The following FANCD2 variants were observed in gnomAD, a reference collection of about 807,000 sequenced individuals.
The protein encoded by FANCD2 is Fanconi anemia group D2 protein.
Under a neutral mutation model 192.3 loss-of-function variants are expected in FANCD2, and 131 were observed. The observed-to-expected ratio is 0.68, with a 90% CI of 0.59 to 0.79. The LOEUF (loss-of-function observed/expected upper bound fraction) is 0.79. Ranked by LOEUF, FANCD2 falls within the 30% of genes least tolerant of loss-of-function variation. The pLI, the probability that FANCD2 is intolerant of heterozygous loss-of-function variation, is 0.00. For synonymous variants in FANCD2, 524 were observed against 612.5 expected (o/e 0.86, Z 2.13); for missense variants, 1,508 against 1,701.6 (o/e 0.89, Z 2.00).
chr3:10,047,513 TA>T (rs756071447), intron 15 of FANCD2, among the ~76,000 whole-genome samples: 1,042 of 151,288 alleles, frequency 6.9e-3, no homozygotes, highest in Middle Eastern at 0.01. Context: ...GATCTTCTTT[TA>T]AAAAAATCAG....
intron 1 of FANCD2, among the ~76,000 whole-genome samples, chr3:10,028,362 TG>T (rs2124960503): frequency 6.6e-6 from 1 of 152,302 alleles, no homozygotes; most frequent in South Asian, 2.1e-4. Flanking sequence ...TGGAGGGTCT[TG>T]AATCTCAGAT....
At chr3:10,080,406 G>T (rs574529040) in intron 30 of FANCD2, among the ~76,000 whole-genome samples, 1 of 152,218 alleles carries the variant, frequency 6.6e-6, no homozygotes, top group South Asian at 2.1e-4. Flanking sequence ...GCTAATTTTT[G>T]TATTTTTTGT....
chr3:10,054,455 A>ACG (rs2087335461), intron 18 of FANCD2, among the ~76,000 whole-genome samples: 1 of 18,820 alleles, frequency 5.3e-5, no homozygotes, highest in Non-Finnish European at 1.1e-4. Context: ...ACATATATAT[A>ACG]TATATATATA....
At chr3:10,036,603 G>A (rs1328855818) in intron 7 of FANCD2, among the ~76,000 whole-genome samples, 3 of 152,126 alleles carry the variant, frequency 2.0e-5, no homozygotes, top group African/African-American at 4.8e-5. Flanking sequence ...GGGAAGCTGA[G>A]GGAGGAGGAT....
intron 18 of FANCD2, among the ~76,000 whole-genome samples, chr3:10,054,636 A>T (rs961081115): frequency 4.3e-5 from 6 of 138,000 alleles, no homozygotes; most frequent in African/African-American, 1.5e-4. Context: ...GGCGCCCGCC[A>T]CCACGCCCGG....
intron 9 of FANCD2, 158 bp downstream of exon 9, chr3:10,040,003 G>A: frequency 4.3e-6 from 3 of 704,732 alleles, no homozygotes; most frequent in Non-Finnish European, 6.9e-6. Flanking sequence ...AAAAAAAAAA[G>A]GTATATATTT....
chr3:10,089,659 T>C (rs1419378972), intron 36 of FANCD2, among the ~76,000 whole-genome samples: 3 of 152,024 alleles, frequency 2.0e-5, no homozygotes, highest in Non-Finnish European at 4.4e-5. Flanking sequence ...TAGTAGAGAT[T>C]GGGTTTCACC....
At chr3:10,069,802 C>T (rs556198230) in intron 26 of FANCD2, among the ~76,000 whole-genome samples, 28 of 152,234 alleles carry the variant, frequency 1.8e-4, no homozygotes, top group Admixed American at 1.3e-3. Context: ...AGCGTGATCT[C>T]GGCTCGCTAC....
chr3:10,068,507 A>G (rs1025424383), intron 26 of FANCD2, among the ~76,000 whole-genome samples: 8 of 152,174 alleles, frequency 5.3e-5, no homozygotes, highest in Non-Finnish European at 7.4e-5. Flanking sequence ...AAATAAAAAA[A>G]GGAAAGATAC....
chr3:10,064,502 C>T (rs1401842554), intron 22 of FANCD2, 73 bp downstream of exon 22: 1 of 1,403,286 alleles, frequency 7.1e-7, no homozygotes, highest in Non-Finnish European at 1.0e-6. Flanking sequence ...CTGATACAAA[C>T]TTCAGAATAC....
At chr3:10,059,203 G>A (rs2087494338) in intron 18 of FANCD2, among the ~76,000 whole-genome samples, 1 of 151,928 alleles carries the variant, frequency 6.6e-6, no homozygotes, top group African/African-American at 2.4e-5. Flanking sequence ...CTATAGAGAT[G>A]AGGTTTTGCC....
intron 16 of FANCD2, 58 bp from the exon 17 acceptor site, chr3:10,049,316 T>A: frequency 6.7e-7 from 1 of 1,501,226 alleles, no homozygotes; most frequent in Middle Eastern, 1.8e-4. Flanking sequence ...GGTGAATCCC[T>A]TTAGAATGGC....
chr3:10,033,679 T>C (rs1157566298), intron 3 of FANCD2, among the ~76,000 whole-genome samples: 1 of 147,942 alleles, frequency 6.8e-6, no homozygotes, highest in Non-Finnish European at 1.5e-5. Context: ...TTAGTGGCTA[T>C]CTGCTATCAA....
In FANCD2 at chr3:10,041,683, C is replaced by T; in HGVS notation, c.756C>T (p.Leu252=). ...TVPILDVLSS[L]RLDPNFLLKV... ...CAATCCTGGATGTCCTTTCAAGCCT[C>T]CGACTTGACCCAAACTTCCTATTGA... Residue 252 remains leucine (L), a synonymous_variant, in exon 10 of 44, where the codon CTC becomes CTT. Transcript: ENST00000675286. The T allele has an allele frequency of 1.2e-6, 2 of 1,613,852 alleles. No homozygotes were observed. The highest frequency in any genetic ancestry group is 1.7e-6 in the Non-Finnish European group (2 of 1,179,782).
intron 4 of FANCD2, 51 bp from the exon 5 acceptor site, chr3:10,034,644 A>C: frequency 1.1e-5 from 16 of 1,519,432 alleles, no homozygotes; most frequent in Non-Finnish European, 1.5e-5. Context: ...TTTTAACAGC[A>C]AATATTAAAC....
chr3:10,092,648 G>GCCT (rs1694712337), intron 38 of FANCD2, among the ~76,000 whole-genome samples: 1 of 143,142 alleles, frequency 7.0e-6, no homozygotes, highest in Admixed American at 7.0e-5. Flanking sequence ...TGTTCCCCCA[G>GCCT]CCTAGAATGT....
intron 18 of FANCD2, among the ~76,000 whole-genome samples, chr3:10,053,304 C>A (rs1575770120): frequency 6.7e-6 from 1 of 149,684 alleles, no homozygotes; most frequent in East Asian, 2.0e-4. Context: ...CGCATATTCT[C>A]AGTCATAGGT....
intron 18 of FANCD2, among the ~76,000 whole-genome samples, chr3:10,053,533 TAAA>T (rs1260222447): frequency 7.0e-6 from 1 of 142,240 alleles, no homozygotes; most frequent in Admixed American, 6.9e-5. Flanking sequence ...ATAATAATAA[TAAA>T]AATAAAATAA....
chr3:10,090,927 C>T lies in FANCD2; in HGVS notation c.3777+542C>T, dbSNP rs557890477. Among the ~76,000 whole-genome samples, 544 of 151,940 alleles carry T rather than the reference C, an allele frequency of 3.6e-3. 4 individuals carry two copies. The highest frequency in any genetic ancestry group is 0.014 in the Middle Eastern group (4 of 294). On this transcript the variant is annotated intron_variant, in intron 37 of 43. Transcript: ENST00000675286. ...GAATGGGCTCTCTTTTCCTTGGCTA[C>T]TGCCCAGTTTGCCTCCTGCTAACTG... is the stretch of plus-strand genomic sequence containing the variant.
Sources: gnomAD v4.1 joint callset for allele counts (sites outside exome capture counted in the v4.1 genomes callset) on GRCh38, gnomAD v4.1.1 for gene constraint, MANE v1.5 for transcripts, NCBI Gene and HGNC (gene_info 2026-07-23, HGNC 2026-07-21) for gene names.